The following TMEM38B variants were observed in gnomAD, a reference collection of about 807,000 sequenced individuals.
TMEM38B encodes the protein trimeric intracellular cation channel type B.
Under a neutral mutation model 28.7 loss-of-function variants are expected in TMEM38B, and 24 were observed. The ratio of observed to expected loss-of-function variants is 0.84; its 90% confidence interval spans 0.61 to 1.18. The LOEUF (loss-of-function observed/expected upper bound fraction) is 1.18, where lower values mean the gene tolerates loss of function less well. TMEM38B is among the 50% of genes most tolerant of loss of function. TMEM38B has a pLI of 0.00. For synonymous variants in TMEM38B, 131 were observed against 127.7 expected, an observed-to-expected ratio of 1.03 and a Z score of -0.17; for missense variants, 380 against 350.9, an observed-to-expected ratio of 1.08 and a Z score of -0.66.
chr9:105,706,721 G>C (rs961850500), intron 2 of TMEM38B, among the ~76,000 whole-genome samples: 2 of 152,072 alleles, frequency 1.3e-5, no homozygotes, highest in Non-Finnish European at 2.9e-5. Context: ...TTGCTCTGGA[G>C]GGGGCGGGGG....
intron 2 of TMEM38B, among the ~76,000 whole-genome samples, chr9:105,713,724 G>T (rs1224519026): frequency 6.6e-6 from 1 of 152,186 alleles, no homozygotes; most frequent in Non-Finnish European, 1.5e-5. Context: ...CTGGAGCTGG[G>T]CTGCCAGTCC....
chr9:105,695,968 T>A (rs532571361), intron 1 of TMEM38B, among the ~76,000 whole-genome samples: 23 of 152,130 alleles, frequency 1.5e-4, no homozygotes, highest in South Asian at 6.2e-4. Flanking sequence ...ATTAAAAAAA[T>A]TTTTTTTTGT....
chr9:105,776,473 T>C lies in TMEM38B; in HGVS notation c.*2393T>C, dbSNP rs1826721808. The C allele has an allele frequency of 6.6e-6, 1 of 152,046 alleles. No homozygotes were observed. The highest frequency in any genetic ancestry group is 2.1e-4 in the South Asian group (1 of 4,820). The allele number at this position is 152,046 out of a possible 1,614,324, so 9.4% of individuals were successfully genotyped here. ...AGTGTATTTTTTTTTTGTCTATTCCTTAAAGCCCAGACACCTTTCCATTAA... is the reference window on the plus strand; with the variant it reads ...AGTGTATTTTTTTTTTGTCTATTCCCTAAAGCCCAGACACCTTTCCATTAA... On this transcript the variant is annotated 3_prime_UTR_variant, in exon 6 of 6. Transcript: ENST00000374692.
chr9:105,759,156 A>G, intron 5 of TMEM38B: 7 of 764,106 alleles, frequency 9.2e-6, no homozygotes, highest in South Asian at 8.4e-5. Flanking sequence ...TATATTCAGC[A>G]CAATCACAGA....
At chr9:105,708,037 A>G (rs925034797) in intron 2 of TMEM38B, among the ~76,000 whole-genome samples, 7 of 152,140 alleles carry the variant, frequency 4.6e-5, no homozygotes, top group Non-Finnish European at 7.4e-5. Context: ...TGTTCCTATA[A>G]TACTAACCTC....
chr9:105,751,454 C>T (rs920894650), intron 5 of TMEM38B, among the ~76,000 whole-genome samples: 3 of 152,186 alleles, frequency 2.0e-5, no homozygotes, highest in Non-Finnish European at 2.9e-5. Context: ...GGAGTTTTGG[C>T]AGAGCAGCTG....
intron 5 of TMEM38B, among the ~76,000 whole-genome samples, chr9:105,757,420 T>G (rs1251999749): frequency 6.6e-6 from 1 of 152,230 alleles, no homozygotes; most frequent in African/African-American, 2.4e-5. Flanking sequence ...TTTGTGGAGA[T>G]ACCCAGTTGT....
At chr9:105,733,238 T>A (rs978808375) in intron 4 of TMEM38B, among the ~76,000 whole-genome samples, 3 of 152,164 alleles carry the variant, frequency 2.0e-5, no homozygotes, top group Non-Finnish European at 4.4e-5. Flanking sequence ...GTTCTGTAGC[T>A]ATCTATTAGG....
chr9:105,766,956 G>T (rs1347093960), intron 5 of TMEM38B, among the ~76,000 whole-genome samples: 1 of 133,374 alleles, frequency 7.5e-6, no homozygotes, highest in South Asian at 2.3e-4. Flanking sequence ...TGTTCTCATT[G>T]TTCAATTCCC....
At chr9:105,749,394 C>G (rs568105320) in intron 5 of TMEM38B, 34 of 184,288 alleles carry the variant, frequency 1.8e-4, no homozygotes, top group Non-Finnish European at 3.0e-4. Context: ...GGCAAGAGAG[C>G]TTGTGCAGGG....
intron 4 of TMEM38B, among the ~76,000 whole-genome samples, chr9:105,741,524 G>A (rs886831855): frequency 6.6e-5 from 10 of 152,180 alleles, no homozygotes; most frequent in East Asian, 1.9e-4. Flanking sequence ...TGAAGACTTC[G>A]AAGGAAATAA....
intron 5 of TMEM38B, among the ~76,000 whole-genome samples, chr9:105,751,818 C>G (rs1466209193): frequency 6.6e-6 from 1 of 151,344 alleles, no homozygotes; most frequent in Admixed American, 6.6e-5. Flanking sequence ...GCACAGCTGC[C>G]TTGGCAGATC....
rs146803056 is a variant in TMEM38B, at chr9:105,716,789, T to C, written c.270-4748T>C. On this transcript the variant is annotated intron_variant, in intron 2 of 5. Transcript: ENST00000374692. ...CACTTAATGAATAATAAATACATTA[T>C]CTCTTCCTTAACATTTTCTTAAACA... is the stretch of plus-strand genomic sequence containing the variant. Among the ~76,000 whole-genome samples, 47 of 152,306 alleles carry C rather than the reference T, an allele frequency of 3.1e-4. No individual in the cohort carries two copies. The East Asian group carries it at 8.5e-3, about 27-fold the overall frequency.
chr9:105,748,187 A>G lies in TMEM38B; in HGVS notation c.657A>G (p.Thr219=). ...MFLYTIFIVA[T]KITMMTTQTS... ...TTTATACCATCTTTATTGTGGCCAC[A>G]AAGGTAAGAATTCAAAGTACCTATA... The change falls in exon 5 of 6, where the codon ACA becomes ACG. Residue 219 remains threonine, a synonymous_variant. Coordinates refer to ENST00000374692, the MANE Select transcript of TMEM38B (RefSeq NM_018112.3). 1 of 1,602,640 alleles carries G rather than the reference A, an allele frequency of 6.2e-7. No individual in the cohort carries two copies. The highest frequency in any genetic ancestry group is 8.5e-7 in the Non-Finnish European group (1 of 1,170,156).
chr9:105,698,065 G>T (rs1432329343), intron 1 of TMEM38B, among the ~76,000 whole-genome samples: 2 of 142,620 alleles, frequency 1.4e-5, no homozygotes, highest in Non-Finnish European at 3.1e-5. Flanking sequence ...CATCCCACGT[G>T]CATAGACCTC....
chr9:105,740,843 T>C (rs1564404621), intron 4 of TMEM38B, among the ~76,000 whole-genome samples: 1 of 152,230 alleles, frequency 6.6e-6, no homozygotes, highest in Non-Finnish European at 1.5e-5. Context: ...TTTCTGTTAA[T>C]GTGTCAGTAT....
intron 2 of TMEM38B, among the ~76,000 whole-genome samples, chr9:105,707,824 TCA>T (rs1201724523): frequency 5.9e-5 from 9 of 152,318 alleles, no homozygotes; most frequent in Non-Finnish European, 1.2e-4. Flanking sequence ...CCACTATCTC[TCA>T]CAGATTTGTT....
chr9:105,776,619 G>C lies in TMEM38B; in HGVS notation c.*2539G>C, dbSNP rs949187217. On this transcript the variant is annotated 3_prime_UTR_variant, in exon 6 of 6. Transcript: ENST00000374692. ...AAAGCCCTTTATAGTGTTTGCCCCAGGTGTAATTCACATCCTTGGTAATAT... is the reference window on the plus strand; with the variant it reads ...AAAGCCCTTTATAGTGTTTGCCCCACGTGTAATTCACATCCTTGGTAATAT... 1 of 152,084 alleles carries C rather than the reference G, an allele frequency of 6.6e-6. No individual in the cohort carries two copies. The highest frequency in any genetic ancestry group is 2.4e-5 in the African/African-American group (1 of 41,422). 9.4% of individuals were successfully genotyped at this position (152,084 alleles called of 1,614,324 possible).
At chr9:105,763,183 G>A (rs868759483) in intron 5 of TMEM38B, among the ~76,000 whole-genome samples, 1 of 151,664 alleles carries the variant, frequency 6.6e-6, no homozygotes, top group Non-Finnish European at 1.5e-5. Flanking sequence ...AGTAGGTTGT[G>A]AAAATTTTCT....
Sources: allele counts gnomAD v4.1 joint callset (sites outside exome capture counted in the v4.1 genomes callset), GRCh38; gene constraint gnomAD v4.1.1; transcripts MANE v1.5; gene names NCBI Gene and HGNC (gene_info 2026-07-23, HGNC 2026-07-21).